Variants in GRM3 observed in about 807,000 individuals in gnomAD.
The protein encoded by GRM3 is metabotropic glutamate receptor 3.
Under a neutral mutation model 70.5 loss-of-function variants are expected in GRM3, and 26 were observed. The observed-to-expected ratio is 0.37, with a 90% CI of 0.27 to 0.51. GRM3 has a LOEUF of 0.51. Among genes scored for constraint, GRM3 ranks in the 20% least tolerant of loss-of-function variants. The pLI is 0.93. For synonymous variants in GRM3, 443 were observed against 434.9 expected (o/e 1.02, Z -0.23); for missense variants, 859 against 1,123.8 (o/e 0.76, Z 3.37).
chr7:86,690,084 GACAA>G (rs1323844143), intron 1 of GRM3, among the ~76,000 whole-genome samples: 1 of 151,990 alleles, frequency 6.6e-6, no homozygotes, highest in Non-Finnish European at 1.5e-5. Flanking sequence ...AAGTTTCCAC[GACAA>G]ACAATGACAG....
At chr7:86,738,277 A>G (rs1795909499) in intron 1 of GRM3, among the ~76,000 whole-genome samples, 1 of 152,186 alleles carries the variant, frequency 6.6e-6, no homozygotes. Flanking sequence ...GGAAGATGTC[A>G]AATTCACACA....
intron 1 of GRM3, among the ~76,000 whole-genome samples, chr7:86,704,731 A>G (rs1247012019): frequency 6.6e-6 from 1 of 151,930 alleles, no homozygotes; most frequent in Non-Finnish European, 1.5e-5. Flanking sequence ...TGAAAAACCT[A>G]GGCCTCTGAA....
At chr7:86,822,919 G>A (rs1306217151) in intron 3 of GRM3, among the ~76,000 whole-genome samples, 1 of 152,040 alleles carries the variant, frequency 6.6e-6, no homozygotes, top group African/African-American at 2.4e-5. Context: ...TTGTTATATT[G>A]CATAATTTTT....
chr7:86,787,073 G>A lies in GRM3; in HGVS notation c.1281G>A (p.Gly427=), dbSNP rs767011925. 8 of 1,611,582 alleles carry A rather than the reference G, an allele frequency of 5.0e-6. No individual in the cohort carries two copies. The Admixed American group carries it at 8.3e-5, about 17-fold the overall frequency. Residue 427 remains glycine (G), a synonymous_variant, in exon 3 of 6, where the codon GGG becomes GGA. Coordinates refer to ENST00000361669, the MANE Select transcript of GRM3 (RefSeq NM_000840.3). ...KLCDAMKILD[G]KKLYKDYLLK... ...GTGATGCTATGAAGATCCTGGATGG[G>A]AAGAAGTTGTACAAGGATTACTTGC...
intron 1 of GRM3, among the ~76,000 whole-genome samples, chr7:86,689,682 A>G (rs978676178): frequency 6.6e-6 from 1 of 152,150 alleles, no homozygotes; most frequent in Non-Finnish European, 1.5e-5. Context: ...GTGAATAGCT[A>G]TAAGAAGTAA....
chr7:86,729,663 G>A (rs999619705), intron 1 of GRM3, among the ~76,000 whole-genome samples: 4 of 152,108 alleles, frequency 2.6e-5, no homozygotes, highest in Non-Finnish European at 5.9e-5. Flanking sequence ...TTTCTAACAG[G>A]ATCTGAGTGA....
At chr7:86,791,563 G>A (rs1425945648) in intron 3 of GRM3, among the ~76,000 whole-genome samples, 3 of 152,184 alleles carry the variant, frequency 2.0e-5, no homozygotes, top group African/African-American at 2.4e-5. Flanking sequence ...CTGTTAGCTC[G>A]TTAGTAACAG....
intron 1 of GRM3, 80 bp downstream of exon 1, chr7:86,644,952 G>A: frequency 1.4e-6 from 1 of 695,406 alleles, no homozygotes; most frequent in Non-Finnish European, 2.2e-6. Flanking sequence ...CGTGGGGCAG[G>A]CGCAGCCGGG....
Position 86,765,329 on chromosome 7 carries a change from G to A in GRM3, c.184G>A (p.Glu62Lys), listed in dbSNP as rs2116415664. ...TGTEECGRINEDRGIQRLEAM... is the reference protein window; with the variant it reads ...TGTEECGRINKDRGIQRLEAM... ...AACTGAAGAATGTGGGCGAATCAATGAAGACCGAGGGATTCAACGCCTGGA... is the reference window on the plus strand; with the variant it reads ...AACTGAAGAATGTGGGCGAATCAATAAAGACCGAGGGATTCAACGCCTGGA... Residue 62 changes from glutamate to lysine, a missense_variant, in exon 2 of 6, where the codon GAA (glutamate) becomes AAA (lysine). Coordinates refer to ENST00000361669, the MANE Select transcript of GRM3 (RefSeq NM_000840.3). 6.2e-7 allele frequency: 1 copy of A among 1,613,936 alleles called. No individual in the cohort carries two copies. Among genetic ancestry groups the A allele is most frequent in the Non-Finnish European group, 8.5e-7 (1 of 1,179,876 alleles).
intron 1 of GRM3, among the ~76,000 whole-genome samples, chr7:86,717,281 T>C (rs1795340203): frequency 1.3e-5 from 2 of 151,980 alleles, no homozygotes; most frequent in Non-Finnish European, 2.9e-5. Flanking sequence ...CTTGATTGCT[T>C]TTAAATGTCA....
At chr7:86,861,400 G>T (rs1054128401) in intron 5 of GRM3, among the ~76,000 whole-genome samples, 1 of 152,176 alleles carries the variant, frequency 6.6e-6, no homozygotes, top group Non-Finnish European at 1.5e-5. Context: ...ATATTTTCTA[G>T]TCAAGGGTAT....
intron 2 of GRM3, among the ~76,000 whole-genome samples, chr7:86,768,256 C>G (rs1029537889): frequency 1.6e-4 from 24 of 152,086 alleles, no homozygotes; most frequent in African/African-American, 5.8e-4. Context: ...CCTTATGTCC[C>G]TAAAATTATA....
At chr7:86,722,604 G>A (rs1005304637) in intron 1 of GRM3, among the ~76,000 whole-genome samples, 4 of 142,748 alleles carry the variant, frequency 2.8e-5, no homozygotes, top group Non-Finnish European at 4.6e-5. Context: ...GGGGACTGTC[G>A]GGGGGTGGGG....
chr7:86,796,075 C>T (rs768568125), intron 3 of GRM3, among the ~76,000 whole-genome samples: 1 of 152,164 alleles, frequency 6.6e-6, no homozygotes, highest in African/African-American at 2.4e-5. Context: ...AATTAGATCT[C>T]ATTTGTCAAT....
chr7:86,736,994 T>C (rs1237356200), intron 1 of GRM3, among the ~76,000 whole-genome samples: 3 of 151,650 alleles, frequency 2.0e-5, no homozygotes, highest in Non-Finnish European at 2.9e-5. Context: ...GTGTCAGAAG[T>C]CCTACATCAC....
chr7:86,730,980 C>T lies in GRM3; in HGVS notation c.-140-34026C>T, dbSNP rs556731820. Among the ~76,000 whole-genome samples, 69 of 152,188 alleles carry T rather than the reference C, an allele frequency of 4.5e-4. 1 individual carries two copies. The South Asian group carries it at 0.013, about 28-fold the overall frequency. Reference sequence around the variant, plus strand: ...AATGTCCCTGCTCTGTCTCCTAGCCCGGCTGTGTTTTCTGTATGTCCCCCT... The same window carrying T: ...AATGTCCCTGCTCTGTCTCCTAGCCTGGCTGTGTTTTCTGTATGTCCCCCT... On this transcript the variant is annotated intron_variant, in intron 1 of 5. Transcript: ENST00000361669.
intron 1 of GRM3, among the ~76,000 whole-genome samples, chr7:86,684,153 A>C (rs1403326061): frequency 6.6e-6 from 1 of 152,024 alleles, no homozygotes; most frequent in African/African-American, 2.4e-5. Context: ...TCTTAGACCC[A>C]CACCCTGCAA....
At chr7:86,809,396 T>C (rs1797865263) in intron 3 of GRM3, among the ~76,000 whole-genome samples, 1 of 152,130 alleles carries the variant, frequency 6.6e-6, no homozygotes, top group Non-Finnish European at 1.5e-5. Context: ...GGATATTTGC[T>C]GAGCCCTGAA....
intron 3 of GRM3, among the ~76,000 whole-genome samples, chr7:86,805,548 A>T (rs2116637973): frequency 6.6e-6 from 1 of 152,320 alleles, no homozygotes; most frequent in African/African-American, 2.4e-5. Context: ...ACCAGAGAAT[A>T]GTTTCACTGC....
Sources: allele counts gnomAD v4.1 joint callset (sites outside exome capture counted in the v4.1 genomes callset), GRCh38; gene constraint gnomAD v4.1.1; transcripts MANE v1.5; gene names NCBI Gene and HGNC (gene_info 2026-07-23, HGNC 2026-07-21).